Variants in OTOF observed in about 807,000 individuals in gnomAD.
OTOF encodes fer-1-like family member 2.
A neutral mutation model predicts 236.8 loss-of-function variants in OTOF; 218 were observed. The ratio of observed to expected loss-of-function variants is 0.92; its 90% CI spans 0.82 to 1.03. The LOEUF is 1.03. OTOF is among the 50% of genes least tolerant of loss of function. The pLI, the probability that OTOF is intolerant of heterozygous loss-of-function variation, is 0.00. For missense variants in OTOF, 2,590 were observed against 2,694.4 expected (o/e 0.96, Z 0.86); for synonymous variants, 1,041 against 1,072.5 (o/e 0.97, Z 0.57).
intron 5 of OTOF, among the ~76,000 whole-genome samples, chr2:26,505,333 GA>G (rs1210886570): frequency 1.3e-5 from 2 of 152,242 alleles, no homozygotes; most frequent in East Asian, 3.9e-4. Flanking sequence ...GAAAGGGAAA[GA>G]AAGAGGCTCT....
chr2:26,542,618 G>C (rs774628425), intron 1 of OTOF, among the ~76,000 whole-genome samples: 7 of 152,252 alleles, frequency 4.6e-5, no homozygotes, highest in Non-Finnish European at 2.9e-5. Flanking sequence ...AGGAGAAGGA[G>C]GGAAATCCAG....
At chr2:26,512,652 C>T (rs1017638254) in intron 5 of OTOF, among the ~76,000 whole-genome samples, 7 of 152,126 alleles carry the variant, frequency 4.6e-5, no homozygotes, top group Non-Finnish European at 8.8e-5. Flanking sequence ...CAGTAAGGCT[C>T]CTGTGTGGGC....
chr2:26,509,256 TGAGGACTCCCTAA>T (rs1666323744), intron 5 of OTOF, among the ~76,000 whole-genome samples: 1 of 152,178 alleles, frequency 6.6e-6, no homozygotes, highest in Admixed American at 6.5e-5. Context: ...CCTGAACCCT[TGAGGACTCCCTAA>T]GAGGACTCCC....
chr2:26,496,549 C>T (rs1316154538), intron 8 of OTOF, among the ~76,000 whole-genome samples: 2 of 151,984 alleles, frequency 1.3e-5, no homozygotes, highest in Non-Finnish European at 2.9e-5. Flanking sequence ...CAATTATTGG[C>T]TTTTTAAGCT....
rs1353539340 is a variant in OTOF, at chr2:26,462,654, G to C, written c.5193-473C>G. 6.6e-6 allele frequency among the ~76,000 whole-genome samples: 1 copy of C among 152,242 alleles called. No homozygotes were observed. Among genetic ancestry groups the C allele is most frequent in the African/African-American group, 2.4e-5 (1 of 41,466 alleles). On this transcript the variant is annotated intron_variant, in intron 41 of 46. Coordinates refer to ENST00000272371, the MANE Select transcript of OTOF (RefSeq NM_194248.3). The surrounding 1 kb of genome is among the most constrained non-coding windows in gnomAD (Gnocchi z 4.7). The stretch of plus-strand genomic sequence containing the variant: ...CAGACAGGGCTGCGAGCCCAGAGTG[G>C]CCCAGTGAGTTGGGTGCCCCCTAAT...
At chr2:26,538,603 G>A (rs1360745855) in intron 1 of OTOF, among the ~76,000 whole-genome samples, 1 of 152,186 alleles carries the variant, frequency 6.6e-6, no homozygotes, top group African/African-American at 2.4e-5. Context: ...AGAATCGAGG[G>A]CAGGTCGAGG....
chr2:26,480,285 G>T lies in OTOF; in HGVS notation c.1830C>A (p.Phe610Leu). Residue 610 changes from phenylalanine to leucine, a missense_variant, in exon 16 of 47, where the codon TTC (phenylalanine) becomes TTA (leucine). This residue lies in a region of OTOF where 1,379 missense variants were observed against 1,341.6 expected (regional missense o/e 1.03). Coordinates refer to ENST00000272371, the MANE Select transcript of OTOF (RefSeq NM_194248.3). ...SESCAGKMEE[F>L]FLFGAFLEAS... ...CCTCCAGGAAGGCTCCAAAGAGAAA[G>T]AATTCTTCCATTTTACCTGCACAGC... 6.2e-7 allele frequency: 1 copy of T among 1,611,484 alleles called. No individual in the cohort carries two copies. The highest frequency in any genetic ancestry group is 8.5e-7 in the Non-Finnish European group (1 of 1,178,500).
intron 3 of OTOF, among the ~76,000 whole-genome samples, chr2:26,522,470 T>C (rs1257083767): frequency 2.0e-5 from 3 of 152,190 alleles, no homozygotes; most frequent in African/African-American, 7.2e-5. Context: ...GAGAAGCCCC[T>C]GGCTCTGGCC....
rs1290852953 is a variant in OTOF at position 26,472,324 on chromosome 2, CGCACGCGTGT to C, written c.3864+185_3864+194del. ...CACACATGCACATTTACATACCACA[CGCACGCGTGT>C]GCATTCCAGGATAGTATTAGGAGGG... On this transcript the variant is annotated intron_variant, in intron 30 of 46. Coordinates refer to ENST00000272371, the MANE Select transcript of OTOF (RefSeq NM_194248.3). 5.9e-6 allele frequency: 4 copies of C among 676,736 alleles called. No individual in the cohort carries two copies. The African/African-American group carries it at 7.1e-5, about 12-fold the overall frequency. 41.9% of individuals were successfully genotyped at this position (676,736 alleles called of 1,614,324 possible). A position where few individuals can be genotyped will look rare whatever the true frequency, so the allele number is the denominator to read the frequency against.
chr2:26,558,541 A>T lies in OTOF; in HGVS notation c.31T>A (p.Ser11Thr). Residue 11 changes from serine (S) to threonine (T), a missense_variant, in exon 1 of 47, where the codon TCG becomes ACG. Coordinates refer to ENST00000272371, the MANE Select transcript of OTOF (RefSeq NM_194248.3). ...CGGTCGCCCCTGCCCCGCAGCTCCG[A>T]GACTGTCTTGAGGTGGATGAGCAAG... MALLIHLKTV[S>T]ELRGRGDRIA... is the part of the protein sequence containing the mutation. The T allele has an allele frequency of 6.2e-7, 1 of 1,613,838 alleles. No individual in the cohort carries two copies. Among genetic ancestry groups the T allele is most frequent in the Non-Finnish European group, 8.5e-7 (1 of 1,179,904 alleles).
intron 22 of OTOF, 58 bp from the exon 23 acceptor site, chr2:26,476,375 G>A (rs1205999885): frequency 2.6e-6 from 4 of 1,522,980 alleles, no homozygotes; most frequent in African/African-American, 2.7e-5. Flanking sequence ...CAAGAGGTGG[G>A]GAAGGGGCAG....
chr2:26,498,373 G>A (rs6761836), intron 8 of OTOF, among the ~76,000 whole-genome samples: 1 of 151,804 alleles, frequency 6.6e-6, no homozygotes, highest in South Asian at 2.1e-4. Flanking sequence ...AAGACCACCA[G>A]GCGCATGGTG....
At chr2:26,486,109 G>A (rs941035732) in intron 11 of OTOF, among the ~76,000 whole-genome samples, 13 of 152,118 alleles carry the variant, frequency 8.5e-5, no homozygotes, top group African/African-American at 2.7e-4. Context: ...TTACTGGATA[G>A]AAGGAGCCAT....
intron 6 of OTOF, among the ~76,000 whole-genome samples, chr2:26,502,859 T>C (rs1666150149): frequency 1.3e-5 from 2 of 152,248 alleles, no homozygotes; most frequent in Admixed American, 1.3e-4. Flanking sequence ...GTTATTCTCA[T>C]GTCACAGGTA....
At chr2:26,486,307 CGGGT>C (rs979936698) in intron 11 of OTOF, among the ~76,000 whole-genome samples, 1 of 12,748 alleles carries the variant, frequency 7.8e-5, no homozygotes, top group Admixed American at 1.3e-3. Flanking sequence ...TGTAGACAGG[CGGGT>C]GGGTGGGTGG....
chr2:26,543,362 G>T (rs749669542), intron 1 of OTOF, among the ~76,000 whole-genome samples: 1 of 152,214 alleles, frequency 6.6e-6, no homozygotes, highest in Non-Finnish European at 1.5e-5. Context: ...CTCACCATCT[G>T]TTAGCCGGGG....
chr2:26,480,826 G>A lies in OTOF; in HGVS notation c.1763C>T (p.Ser588Phe), dbSNP rs1301079625. 2 of 1,612,810 alleles carry A rather than the reference G, an allele frequency of 1.2e-6. No homozygotes were observed. The highest frequency in any genetic ancestry group is 1.7e-6 in the Non-Finnish European group (2 of 1,179,966). Reference sequence around the variant, plus strand: ...GGCCTGCTCCACCTGCACCTCTGTGGAGCTGGTGAGCTCAGGGTTGGAGGT... The same window carrying A: ...GGCCTGCTCCACCTGCACCTCTGTGAAGCTGGTGAGCTCAGGGTTGGAGGT... ...VDTSNPELTS[S>F]TEVQVEQATP... Residue 588 changes from serine (S) to phenylalanine (F), a missense_variant, in exon 15 of 47, where the codon TCC (serine) becomes TTC (phenylalanine). By Grantham distance (155) the Ser-to-Phe change is radical (BLOSUM62 -2). Coordinates refer to ENST00000272371, the MANE Select transcript of OTOF (RefSeq NM_194248.3).
Position 26,461,138 on chromosome 2 carries a change from T to C in OTOF, c.5534-108A>G, listed in dbSNP as rs9808099. 32,461 of 935,752 alleles carry C rather than the reference T, an allele frequency of 0.035. 1,386 individuals are homozygous for C. Among genetic ancestry groups the C allele is most frequent in the African/African-American group, 0.15 (9,245 of 61,558 alleles). The allele number at this position is 935,752 out of a possible 1,614,324, so 58.0% of individuals were successfully genotyped here. ...CTTGTTTGCTGAGTGCAGACCTCCC[T>C]GAGCCCACATCTCATCCTCCTGCCT... On this transcript the variant is annotated intron_variant, in intron 43 of 46. Coordinates refer to ENST00000272371, the MANE Select transcript of OTOF (RefSeq NM_194248.3). This position sits in a 1 kb window ranked among gnomAD's most constrained non-coding sequence, Gnocchi z 6.2.
At chr2:26,506,704 A>C (rs753677813) in intron 5 of OTOF, among the ~76,000 whole-genome samples, 1 of 152,178 alleles carries the variant, frequency 6.6e-6, no homozygotes, top group South Asian at 2.1e-4. Context: ...GCTTTAAAAA[A>C]CTATACTTGT....
Sources: gnomAD v4.1 joint callset for allele counts (sites outside exome capture counted in the v4.1 genomes callset) on GRCh38, gnomAD v4.1.1 for gene constraint, gnomAD v4.1.1 regional missense constraint, Gnocchi (gnomAD v3.1) non-coding constraint, MANE v1.5 for transcripts, NCBI Gene and HGNC (gene_info 2026-07-23, HGNC 2026-07-21) for gene names.